Variants in DMTF1 observed in about 807,000 individuals in gnomAD.
The protein encoded by DMTF1 is cyclin-D-binding Myb-like transcription factor 1.
Under a neutral mutation model 91.1 loss-of-function variants are expected in DMTF1, and 39 were observed. The observed-to-expected ratio is 0.43, with a 90% CI of 0.33 to 0.56. The LOEUF (loss-of-function observed/expected upper bound fraction) is 0.56. DMTF1 is among the 20% of genes least tolerant of loss of function. The probability of loss-of-function intolerance (pLI) is 0.05; values close to 1 mark genes in which losing one functional copy is unlikely to be tolerated. For synonymous variants in DMTF1, 338 were observed against 309.5 expected, an observed-to-expected ratio of 1.09 and a Z score of -0.97; for missense variants, 750 against 914.5, an observed-to-expected ratio of 0.82 and a Z score of 2.32.
At chr7:87,191,680 C>T (rs1799806341) in intron 14 of DMTF1, among the ~76,000 whole-genome samples, 1 of 152,018 alleles carries the variant, frequency 6.6e-6, no homozygotes, top group Admixed American at 6.6e-5. Flanking sequence ...CCAGACAACA[C>T]AAAATATCAC....
chr7:87,185,348 T>G (rs1395834800), intron 11 of DMTF1, among the ~76,000 whole-genome samples: 2 of 152,186 alleles, frequency 1.3e-5, no homozygotes, highest in Non-Finnish European at 2.9e-5. Context: ...TGTTGTTTTT[T>G]GATTGCAGCT....
Position 87,195,212 on chromosome 7 carries a change from G to C in DMTF1, c.*72G>C. On this transcript the variant is annotated 3_prime_UTR_variant, in exon 18 of 18. Coordinates refer to ENST00000331242, the MANE Select transcript of DMTF1 (RefSeq NM_001142327.2). ...AATTACAACCTCTTCAAAGAAATAG[G>C]AGCAACCCCCAAGAGGCTTAATTTA... The C allele has an allele frequency of 9.2e-7, 1 of 1,083,242 alleles. No homozygotes were observed. The highest frequency in any genetic ancestry group is 2.0e-5 in the Admixed American group (1 of 49,700). 67.1% of individuals were successfully genotyped at this position (1,083,242 alleles called of 1,614,324 possible).
intron 1 of DMTF1, among the ~76,000 whole-genome samples, chr7:87,160,320 G>A (rs958520984): frequency 4.0e-5 from 6 of 150,812 alleles, no homozygotes; most frequent in Admixed American, 3.3e-4. Context: ...CGTCCTCCAG[G>A]CTGGAGTGCA....
In DMTF1 at chr7:87,173,661, CTG is replaced by C. The variant is rs1491191712; in HGVS notation, c.442+15_442+16del. On this transcript the variant is annotated intron_variant, in intron 6 of 17. Transcript: ENST00000331242. ...TCTGACTAATAAAGGTAAGATAACA[CTG>C]TGAATTTTAGTGCCTAGTGAAAAAA... 14 of 1,560,392 alleles carry C rather than the reference CTG, an allele frequency of 9.0e-6. No homozygotes were observed. The highest frequency in any genetic ancestry group is 2.3e-5 in the South Asian group (2 of 86,868).
chr7:87,161,163 A>G (rs897496836), intron 1 of DMTF1, among the ~76,000 whole-genome samples: 4 of 152,172 alleles, frequency 2.6e-5, no homozygotes, highest in African/African-American at 9.7e-5. Flanking sequence ...CTGACCACAT[A>G]GCTCAGACTA....
intron 1 of DMTF1, among the ~76,000 whole-genome samples, chr7:87,153,644 T>G (rs1207935367): frequency 1.3e-5 from 2 of 152,224 alleles, no homozygotes; most frequent in Non-Finnish European, 2.9e-5. Context: ...TTAATGTACA[T>G]GGATTTGATT....
chr7:87,163,781 T>C (rs1287454778), intron 2 of DMTF1, among the ~76,000 whole-genome samples, 164 bp downstream of exon 2: 2 of 152,244 alleles, frequency 1.3e-5, no homozygotes, highest in African/African-American at 4.8e-5. Flanking sequence ...TAATGAATTA[T>C]TGGATCTTTA....
Position 87,166,477 on chromosome 7 carries a change from C to T in DMTF1, c.110-6C>T. ...AAATTTTTGTTTGTTTGTTTTCTTC[C>T]ATTAGAAGCGGATGAAATAGACTCA... On this transcript the variant is annotated splice_polypyrimidine_tract_variant and splice_region_variant and intron_variant, in intron 3 of 17. Coordinates refer to ENST00000331242, the MANE Select transcript of DMTF1 (RefSeq NM_001142327.2). 1 of 1,604,594 alleles carries T rather than the reference C, an allele frequency of 6.2e-7. No homozygotes were observed. Among genetic ancestry groups the T allele is most frequent in the Non-Finnish European group, 8.5e-7 (1 of 1,176,518 alleles).
intron 1 of DMTF1, among the ~76,000 whole-genome samples, chr7:87,156,026 T>C (rs1292893601): frequency 1.3e-5 from 2 of 152,132 alleles, no homozygotes; most frequent in African/African-American, 4.8e-5. Context: ...TGAGTAAATG[T>C]GCTTTAAAAA....
At chr7:87,191,166 A>G (rs576748917) in intron 14 of DMTF1, 139 bp downstream of exon 14, 1 of 596,376 alleles carries the variant, frequency 1.7e-6, no homozygotes, top group African/African-American at 1.9e-5. Flanking sequence ...TTCTACTTTT[A>G]TAATTTTAAT....
chr7:87,186,066 C>A, intron 12 of DMTF1, 86 bp downstream of exon 12: 1 of 1,435,154 alleles, frequency 7.0e-7, no homozygotes, highest in Non-Finnish European at 9.7e-7. Context: ...TTCTTTGCCC[C>A]AGCTAGAGAT....
chr7:87,170,924 C>T, intron 4 of DMTF1, 71 bp from the exon 5 acceptor site: 7 of 989,126 alleles, frequency 7.1e-6, no homozygotes, highest in Non-Finnish European at 1.1e-5. Context: ...GTTTTTTTTC[C>T]CATGGATATT....
chr7:87,193,429 G>A, intron 15 of DMTF1, 76 bp downstream of exon 15: 2 of 1,466,556 alleles, frequency 1.4e-6, no homozygotes, highest in South Asian at 2.3e-5. Context: ...AAAATAGAAG[G>A]TAGTTATCTA....
chr7:87,192,681 T>C (rs1171283686), intron 14 of DMTF1: 1 of 152,212 alleles, frequency 6.6e-6, no homozygotes, highest in Non-Finnish European at 1.5e-5. Flanking sequence ...CTTTAAAAAT[T>C]CAAAAGAAAA....
rs1306951514 is a variant in DMTF1, at chr7:87,194,766, G to A, written c.2111G>A (p.Gly704Asp). The A allele has an allele frequency of 1.2e-6, 2 of 1,611,736 alleles. No individual in the cohort carries two copies. Among genetic ancestry groups the A allele is most frequent in the Non-Finnish European group, 1.7e-6 (2 of 1,178,732 alleles). ...ATACTTATCGTTCCTTCACCACATGGCTTTATCCAGGCATCTGATGTTATA... is the reference window on the plus strand; with the variant it reads ...ATACTTATCGTTCCTTCACCACATGACTTTATCCAGGCATCTGATGTTATA... The part of the protein sequence containing the change: ...ETILIVPSPH[G>D]FIQASDVIDT... The change falls in exon 17 of 18, where the codon GGC becomes GAC. Residue 704 changes from glycine to aspartate, a missense_variant. Physicochemically the swap from Gly to Asp is moderately conservative, Grantham distance 94. Coordinates refer to ENST00000331242, the MANE Select transcript of DMTF1 (RefSeq NM_001142327.2).
At position 87,185,912 on chromosome 7, in the gene DMTF1, A is replaced by C; in HGVS notation, c.1133A>C (p.Gln378Pro). The change falls in exon 12 of 18, where the codon CAA (glutamine) becomes CCA (proline). Residue 378 changes from glutamine to proline, a missense_variant. This residue lies in a region of DMTF1 where 190 missense variants were observed against 343.8 expected (regional missense o/e 0.55). Transcript: ENST00000331242. The stretch of plus-strand genomic sequence containing the variant: ...GGATGGAGTAGTGTCCGTTCACCAC[A>C]ATGGCTACGAAGTAAATGGTGGACC... ...AEGWSSVRSP[Q>P]WLRSKWWTIK... is the part of the protein sequence containing the mutation. The C allele has an allele frequency of 1.2e-6, 2 of 1,613,984 alleles. No homozygotes were observed. The highest frequency in any genetic ancestry group is 1.3e-5 in the African/African-American group (1 of 75,050).
chr7:87,153,899 G>A (rs1275907469), intron 1 of DMTF1, among the ~76,000 whole-genome samples: 1 of 151,908 alleles, frequency 6.6e-6, no homozygotes, highest in Admixed American at 6.6e-5. Flanking sequence ...TCAGTTAAGG[G>A]TTTTCATGTT....
chr7:87,186,263 T>A (rs1417594155), intron 12 of DMTF1: 29 of 348,616 alleles, frequency 8.3e-5, no homozygotes, highest in Non-Finnish European at 1.4e-4. Context: ...ATTTAATTTT[T>A]ATGTTTTTAG....
intron 1 of DMTF1, chr7:87,154,422 G>T (rs1790143796): frequency 6.6e-6 from 1 of 152,536 alleles, no homozygotes; most frequent in Non-Finnish European, 1.5e-5. Flanking sequence ...TGCTTTTGGG[G>T]ACTGATTTAG....
Sources: gnomAD v4.1 joint callset for allele counts (sites outside exome capture counted in the v4.1 genomes callset) on GRCh38, gnomAD v4.1.1 for gene constraint, gnomAD v4.1.1 regional missense constraint, MANE v1.5 for transcripts, NCBI Gene and HGNC (gene_info 2026-07-23, HGNC 2026-07-21) for gene names.